The following FAM20C variants were observed in gnomAD, a reference collection of about 807,000 sequenced individuals.
FAM20C encodes extracellular serine/threonine protein kinase FAM20C.
In FAM20C, 40 loss-of-function variants were observed where a neutral mutation model predicts 51.5. That is an observed-to-expected ratio of 0.78 (90% CI 0.60 to 1.01). FAM20C has a LOEUF of 1.01. Among genes scored for constraint, FAM20C ranks in the 50% least tolerant of loss-of-function variants. FAM20C has a pLI of 0.00. For synonymous variants in FAM20C, 406 were observed against 380.6 expected (o/e 1.07, Z -0.78); for missense variants, 861 against 844.7 (o/e 1.02, Z -0.24).
At chr7:236,185 A>G (rs1163611137) in intron 3 of FAM20C, among the ~76,000 whole-genome samples, 1 of 151,590 alleles carries the variant, frequency 6.6e-6, no homozygotes, top group Non-Finnish European at 1.5e-5. Context: ...ATCCCTGTGC[A>G]GAAGGGAGGC....
chr7:246,543 G>A (rs777950386), intron 4 of FAM20C, 36 bp downstream of exon 4: 33 of 1,272,338 alleles, frequency 2.6e-5, no homozygotes, highest in Middle Eastern at 4.1e-4. Context: ...CCGCGCTCCC[G>A]TGCGCTCAGA....
At chr7:253,648 A>G (rs1325879278) in intron 5 of FAM20C, among the ~76,000 whole-genome samples, 2 of 151,430 alleles carry the variant, frequency 1.3e-5, no homozygotes, top group African/African-American at 4.9e-5. Context: ...CGTTGCTGGG[A>G]CCCCCGCTTC....
chr7:211,020 C>G (rs1166961603), intron 3 of FAM20C, among the ~76,000 whole-genome samples: 1 of 152,030 alleles, frequency 6.6e-6, no homozygotes. Flanking sequence ...GACGAGAGAA[C>G]TGGGGTTTAG....
intron 3 of FAM20C, among the ~76,000 whole-genome samples, chr7:233,104 C>T (rs1003477175): frequency 5.3e-5 from 8 of 152,238 alleles, no homozygotes; most frequent in Non-Finnish European, 1.2e-4. Context: ...ATTCTGCAGA[C>T]GCCTCTGTCT....
chr7:205,645 C>G (rs545911808), intron 2 of FAM20C, among the ~76,000 whole-genome samples: 1 of 152,156 alleles, frequency 6.6e-6, no homozygotes, highest in Non-Finnish European at 1.5e-5. Context: ...AGCCCGTCGA[C>G]GGTTTCTGTG....
At chr7:202,300 T>G (rs1310802260) in intron 2 of FAM20C, among the ~76,000 whole-genome samples, 3 of 142,562 alleles carry the variant, frequency 2.1e-5, no homozygotes, top group African/African-American at 8.0e-5. Context: ...TACTGGGGAA[T>G]GGGGGGGCCC....
rs151320825 is a variant in FAM20C at position 249,811 on chromosome 7, T to A, written c.1072+1381T>A. ...GGCTCAGTCCTCCTCTCCAAGCGCC[T>A]CTCTGGTACCAGGCCCCTGCTGCAC... is the stretch of plus-strand genomic sequence containing the variant. On this transcript the variant is annotated intron_variant, in intron 5 of 9. Coordinates refer to ENST00000313766, the MANE Select transcript of FAM20C (RefSeq NM_020223.4). 5.4e-3 allele frequency among the ~76,000 whole-genome samples: 823 copies of A among 152,246 alleles called. 17 individuals carry two copies. In the East Asian group the frequency reaches 0.091, roughly 17 times the overall value.
At chr7:204,334 A>G (rs886603024) in intron 2 of FAM20C, among the ~76,000 whole-genome samples, 26 of 152,250 alleles carry the variant, frequency 1.7e-4, no homozygotes, top group Middle Eastern at 3.5e-3. Context: ...GAGAAATGAG[A>G]TTCGTTGCTG....
At chr7:234,974 G>T (rs1304374871) in intron 3 of FAM20C, among the ~76,000 whole-genome samples, 1 of 152,178 alleles carries the variant, frequency 6.6e-6, no homozygotes, top group Non-Finnish European at 1.5e-5. Flanking sequence ...ACAGGGTGGG[G>T]CTAGGCAGGG....
intron 3 of FAM20C, among the ~76,000 whole-genome samples, chr7:235,626 G>GT (rs1329252605): frequency 6.6e-6 from 1 of 152,242 alleles, no homozygotes; most frequent in Admixed American, 6.5e-5. Flanking sequence ...GCTTCCCTGA[G>GT]TGGCAGCGCC....
chr7:198,999 C>T (rs1786011700), intron 2 of FAM20C, among the ~76,000 whole-genome samples: 1 of 152,250 alleles, frequency 6.6e-6, no homozygotes, highest in South Asian at 2.1e-4. Context: ...GCAGGGGACC[C>T]TCACCTGTGA....
In FAM20C at chr7:210,034, G is replaced by A. The variant is rs556087865; in HGVS notation, c.863+1058G>A. 2.0e-5 allele frequency among the ~76,000 whole-genome samples: 3 copies of A among 152,302 alleles called. 1 individual carries two copies. The South Asian group carries it at 6.2e-4, about 32-fold the overall frequency. ...GCCGGGAGCCGGTGGATGAGTCACA[G>A]CCCCGTGCCTGAGCCCGGGCCGAGG... On this transcript the variant is annotated intron_variant, in intron 3 of 9. Coordinates refer to ENST00000313766, the MANE Select transcript of FAM20C (RefSeq NM_020223.4).
chr7:194,197 T>G (rs1785735959), intron 1 of FAM20C: 3 of 201,674 alleles, frequency 1.5e-5, no homozygotes, highest in South Asian at 3.2e-4. Context: ...GGTGGGCACC[T>G]TGGAGAAGGT....
chr7:222,948 G>C (rs542236911), intron 3 of FAM20C, among the ~76,000 whole-genome samples: 2 of 152,270 alleles, frequency 1.3e-5, no homozygotes, highest in Admixed American at 1.3e-4. Context: ...GTGTGCATGT[G>C]TGTGTGAGGG....
At chr7:256,275 G>A (rs1788586656) in intron 6 of FAM20C, 2 of 596,974 alleles carry the variant, frequency 3.4e-6, no homozygotes, top group South Asian at 4.3e-5. Flanking sequence ...TCGAATCGGG[G>A]CCTCTCAGCG....
intron 3 of FAM20C, among the ~76,000 whole-genome samples, chr7:227,038 G>A (rs1014572809): frequency 3.9e-5 from 6 of 152,058 alleles, no homozygotes; most frequent in African/African-American, 9.7e-5. Context: ...TCCCCAGGCC[G>A]TCCGACCCTG....
At chr7:234,491 C>A (rs1447792762) in intron 3 of FAM20C, among the ~76,000 whole-genome samples, 1 of 152,150 alleles carries the variant, frequency 6.6e-6, no homozygotes, top group African/African-American at 2.4e-5. Context: ...AGGACCGGGA[C>A]TCCTCTGAGC....
At chr7:244,374 A>G (rs969705856) in intron 3 of FAM20C, among the ~76,000 whole-genome samples, 2 of 152,178 alleles carry the variant, frequency 1.3e-5, no homozygotes, top group Non-Finnish European at 2.9e-5. Context: ...AAAATATCCA[A>G]CACTCCAGAA....
At position 207,613 on chromosome 7, in the gene FAM20C, T is replaced by A. The variant is rs1263388542; in HGVS notation, c.785-1285T>A. ...CATATGCCACCCCACCACGTTCCATTTACGTCTGTGCCGGCAGGGATGCCC... is the reference window on the plus strand; with the variant it reads ...CATATGCCACCCCACCACGTTCCATATACGTCTGTGCCGGCAGGGATGCCC... On this transcript the variant is annotated intron_variant, in intron 2 of 9. Transcript: ENST00000313766. Among the ~76,000 whole-genome samples the A allele has an allele frequency of 2.0e-5, 3 of 152,336 alleles. No homozygotes were observed. In the East Asian group the frequency reaches 5.8e-4, roughly 29 times the overall value.
Sources: allele counts gnomAD v4.1 joint callset (sites outside exome capture counted in the v4.1 genomes callset), GRCh38; gene constraint gnomAD v4.1.1; transcripts MANE v1.5; gene names NCBI Gene and HGNC (gene_info 2026-07-23, HGNC 2026-07-21).